The following LRRTM4 variants were observed in gnomAD, a reference collection of about 807,000 sequenced individuals.
The protein encoded by LRRTM4 is leucine-rich repeat transmembrane neuronal protein 4.
A neutral mutation model predicts 47.6 loss-of-function variants in LRRTM4; 25 were observed. The observed-to-expected ratio is 0.53, with a 90% CI of 0.38 to 0.73. The LOEUF (loss-of-function observed/expected upper bound fraction) is 0.73, where lower values mean the gene tolerates loss of function less well. Ranked by LOEUF, LRRTM4 falls within the 30% of genes least tolerant of loss-of-function variation. LRRTM4 has a pLI of 0.00. For synonymous variants in LRRTM4, 311 were observed against 269.5 expected, an observed-to-expected ratio of 1.15 and a Z score of -1.51; for missense variants, 638 against 713.4, an observed-to-expected ratio of 0.89 and a Z score of 1.20.
intron 3 of LRRTM4, among the ~76,000 whole-genome samples, chr2:76,800,207 A>G (rs1675587004): frequency 2.0e-5 from 3 of 147,242 alleles, no homozygotes; most frequent in South Asian, 2.2e-4. Context: ...AAACTATACT[A>G]CAAGGCGACA....
intron 3 of LRRTM4, among the ~76,000 whole-genome samples, chr2:77,416,012 A>G (rs1252285915): frequency 1.3e-5 from 2 of 152,106 alleles, no homozygotes; most frequent in Non-Finnish European, 2.9e-5. Context: ...TAATTGGCTA[A>G]TATTTCCCTT....
intron 3 of LRRTM4, among the ~76,000 whole-genome samples, chr2:76,874,008 A>T (rs1461863874): frequency 6.6e-6 from 1 of 152,026 alleles, no homozygotes; most frequent in Non-Finnish European, 1.5e-5. Flanking sequence ...GTCCAAAAAA[A>T]GTTCTTGATA....
intron 3 of LRRTM4, among the ~76,000 whole-genome samples, chr2:77,429,863 C>T (rs944542455): frequency 2.0e-5 from 3 of 152,118 alleles, no homozygotes; most frequent in Admixed American, 1.3e-4. Flanking sequence ...GTCAGGAGTT[C>T]GAGACTAGCC....
At chr2:76,900,986 T>C (rs1418626195) in intron 3 of LRRTM4, among the ~76,000 whole-genome samples, 1 of 152,202 alleles carries the variant, frequency 6.6e-6, no homozygotes, top group African/African-American at 2.4e-5. Context: ...AGTAAGTAAA[T>C]TCTCCTATTC....
intron 3 of LRRTM4, among the ~76,000 whole-genome samples, chr2:77,017,595 C>T (rs1200242993): frequency 1.3e-5 from 2 of 152,098 alleles, no homozygotes; most frequent in Non-Finnish European, 2.9e-5. Flanking sequence ...GAGTTTCCTA[C>T]TAGTAAGGAC....
rs547737944 is a variant in LRRTM4, at chr2:76,784,503, T to C, written c.1552-35587A>G. 3.4e-4 allele frequency among the ~76,000 whole-genome samples: 52 copies of C among 152,214 alleles called. 1 individual carries two copies. The South Asian group carries it at 0.011, about 32-fold the overall frequency. On this transcript the variant is annotated intron_variant, in intron 3 of 3. Coordinates refer to ENST00000409884, the MANE Select transcript of LRRTM4 (RefSeq NM_001134745.3). The stretch of plus-strand genomic sequence containing the variant: ...TATATGAATGCTGTGTTTTTCTCAC[T>C]GGGTGATAAGATTAAGCTGATACTT...
intron 3 of LRRTM4, among the ~76,000 whole-genome samples, chr2:76,812,956 T>TA (rs113504607): frequency 1.7e-4 from 26 of 151,358 alleles, no homozygotes; most frequent in Non-Finnish European, 2.2e-4. Context: ...CCATTTTCTC[T>TA]AAAAAAAAGA....
chr2:76,893,373 T>C (rs1315952215), intron 3 of LRRTM4, among the ~76,000 whole-genome samples: 1 of 151,638 alleles, frequency 6.6e-6, no homozygotes, highest in Non-Finnish European at 1.5e-5. Flanking sequence ...GTGGACACAT[T>C]TCTAATAACC....
intron 3 of LRRTM4, among the ~76,000 whole-genome samples, chr2:77,217,568 T>C (rs1259922921): frequency 1.3e-5 from 2 of 150,764 alleles, no homozygotes; most frequent in Admixed American, 6.6e-5. Context: ...GCTAGAAGTG[T>C]CAATGCAAAC....
At chr2:77,028,928 G>A (rs780459434) in intron 3 of LRRTM4, among the ~76,000 whole-genome samples, 13 of 150,942 alleles carry the variant, frequency 8.6e-5, no homozygotes, top group Non-Finnish European at 1.2e-4. Flanking sequence ...CCAGCTACTC[G>A]GGAGGCTGAG....
At chr2:77,071,466 C>T (rs564322803) in intron 3 of LRRTM4, among the ~76,000 whole-genome samples, 1 of 151,962 alleles carries the variant, frequency 6.6e-6, no homozygotes, top group Non-Finnish European at 1.5e-5. Flanking sequence ...TTAAAATATG[C>T]CCAAACTCTC....
intron 3 of LRRTM4, among the ~76,000 whole-genome samples, chr2:76,913,665 G>A (rs995881213): frequency 2.0e-5 from 3 of 150,920 alleles, no homozygotes; most frequent in Admixed American, 1.3e-4. Context: ...TCAGCCTCCC[G>A]AGTAGCTGGG....
At chr2:77,009,530 G>A (rs1205111776) in intron 3 of LRRTM4, 2 of 152,076 alleles carry the variant, frequency 1.3e-5, no homozygotes, top group Admixed American at 1.3e-4. Flanking sequence ...ATTTTCAAGT[G>A]CCAAAAGGTA....
chr2:77,039,073 G>A (rs1356625475), intron 3 of LRRTM4, among the ~76,000 whole-genome samples: 1 of 151,258 alleles, frequency 6.6e-6, no homozygotes, highest in Non-Finnish European at 1.5e-5. Flanking sequence ...ATAAAAATGA[G>A]TGGAATTAAT....
intron 3 of LRRTM4, among the ~76,000 whole-genome samples, chr2:76,900,334 A>C (rs4372934): frequency 0.032 from 4,182 of 130,348 alleles, 181 homozygotes; most frequent in African/African-American, 0.11. Context: ...TTTGTAGATA[A>C]AAATATGAAT....
At chr2:77,088,782 G>C (rs1680818710) in intron 3 of LRRTM4, among the ~76,000 whole-genome samples, 1 of 152,088 alleles carries the variant, frequency 6.6e-6, no homozygotes, top group Admixed American at 6.6e-5. Flanking sequence ...CAGGTCCTCA[G>C]ACCCACCAGC....
chr2:77,146,745 T>A (rs993977908), intron 3 of LRRTM4, among the ~76,000 whole-genome samples: 2 of 152,164 alleles, frequency 1.3e-5, no homozygotes, highest in Non-Finnish European at 2.9e-5. Context: ...TTTAGGGTGA[T>A]GGTAAAAAAT....
chr2:76,939,867 C>T (rs1331560019), intron 3 of LRRTM4, among the ~76,000 whole-genome samples: 1 of 151,968 alleles, frequency 6.6e-6, no homozygotes, highest in African/African-American at 2.4e-5. Context: ...AGAATTTTCC[C>T]AGATTATTCT....
At chr2:77,374,536 C>T (rs1672761106) in intron 3 of LRRTM4, among the ~76,000 whole-genome samples, 1 of 151,778 alleles carries the variant, frequency 6.6e-6, no homozygotes. Flanking sequence ...ATCATCTCTT[C>T]TAATATGGAA....
Sources: gnomAD v4.1 joint callset for allele counts (sites outside exome capture counted in the v4.1 genomes callset) on GRCh38, gnomAD v4.1.1 for gene constraint, MANE v1.5 for transcripts, NCBI Gene and HGNC (gene_info 2026-07-23, HGNC 2026-07-21) for gene names.